LRP4: variants seen among roughly 807,000 people sequenced by gnomAD.
The protein encoded by LRP4 is LDL receptor related protein 4.
In LRP4, 95 loss-of-function variants were observed where a neutral mutation model predicts 220.3. That is an observed-to-expected ratio of 0.43 (90% confidence interval 0.37 to 0.51). The LOEUF is 0.51. Among genes scored for constraint, LRP4 ranks in the 20% least tolerant of loss-of-function variants. The probability of loss-of-function intolerance (pLI) is 0.00; values close to 1 mark genes in which losing one functional copy is unlikely to be tolerated. For synonymous variants in LRP4, 903 were observed against 954.6 expected, an observed-to-expected ratio of 0.95 and a Z score of 1.00; for missense variants, 1,925 against 2,567.0, an observed-to-expected ratio of 0.75 and a Z score of 5.40.
intron 1 of LRP4, among the ~76,000 whole-genome samples, chr11:46,911,907 G>A (rs1941866367): frequency 6.9e-6 from 1 of 145,280 alleles, no homozygotes; most frequent in African/African-American, 2.5e-5. Flanking sequence ...CAGTGGCACA[G>A]TCTTGGCTCG....
intron 13 of LRP4, among the ~76,000 whole-genome samples, chr11:46,891,764 C>T (rs749077377): frequency 1.3e-5 from 2 of 151,536 alleles, no homozygotes; most frequent in Non-Finnish European, 2.9e-5. Flanking sequence ...TACAGGCATG[C>T]ATCAATAAGT....
chr11:46,898,684 A>C lies in LRP4; in HGVS notation c.677-7T>G, dbSNP rs1244833731. On this transcript the variant is annotated splice_polypyrimidine_tract_variant and splice_region_variant and intron_variant, in intron 6 of 37. Transcript: ENST00000378623. ...CGGCAGGGCTGGTGGGAGGCTAGGGAAACACAAGACTTCTGTCTCTAGCCA... is the reference window on the plus strand; with the variant it reads ...CGGCAGGGCTGGTGGGAGGCTAGGGCAACACAAGACTTCTGTCTCTAGCCA... 6.2e-7 allele frequency: 1 copy of C among 1,613,888 alleles called. No individual in the cohort carries two copies. Among genetic ancestry groups the C allele is most frequent in the Non-Finnish European group, 8.5e-7 (1 of 1,180,034 alleles).
Position 46,876,730 on chromosome 11 carries a change from G to A in LRP4, c.3364+14C>T. ...TGCCAGACAGGTGGTCCCTGGGCTA[G>A]GAGGAAGGCCCACCTGTGGTGATGA... On this transcript the variant is annotated intron_variant, in intron 24 of 37. Coordinates refer to ENST00000378623, the MANE Select transcript of LRP4 (RefSeq NM_002334.4). The A allele has an allele frequency of 6.2e-7, 1 of 1,614,080 alleles. No individual in the cohort carries two copies. Among genetic ancestry groups the A allele is most frequent in the Non-Finnish European group, 8.5e-7 (1 of 1,179,916 alleles).
In LRP4 at chr11:46,873,813, G is replaced by A. The variant is rs1410904890; in HGVS notation, c.4230-220C>T. 4.4e-5 allele frequency: 24 copies of A among 543,318 alleles called. No homozygotes were observed. The highest frequency in any genetic ancestry group is 6.2e-5 in the Non-Finnish European group (19 of 308,304). The allele number at this position is 543,318 out of a possible 1,614,324, so 33.7% of individuals were successfully genotyped here. A position where few individuals can be genotyped will look rare whatever the true frequency, so the allele number is the denominator to read the frequency against. On this transcript the variant is annotated intron_variant, in intron 28 of 37. Coordinates refer to ENST00000378623, the MANE Select transcript of LRP4 (RefSeq NM_002334.4). The surrounding 1 kb of genome is among the most constrained non-coding windows in gnomAD (Gnocchi z 4.2). ...TTCTTAGGAGGACACAGTATTTCCT[G>A]CTAACTGGACATAGTGGCGGTTGCC... is the stretch of plus-strand genomic sequence containing the variant.
At chr11:46,868,939 A>T (rs372352282) in intron 32 of LRP4, 49 bp downstream of exon 32, 2 of 1,613,312 alleles carry the variant, frequency 1.2e-6, no homozygotes, top group African/African-American at 2.7e-5. Context: ...GGGTTGACCG[A>T]CCAATCCCAC....
intron 10 of LRP4, 119 bp downstream of exon 10, chr11:46,895,765 T>C: frequency 7.2e-7 from 1 of 1,395,708 alleles, no homozygotes; most frequent in South Asian, 1.2e-5. Context: ...CTCCTAGGGT[T>C]ATTGTGAGGA....
intron 19 of LRP4, among the ~76,000 whole-genome samples, chr11:46,882,378 G>C (rs1592529595): frequency 6.6e-6 from 1 of 151,844 alleles, no homozygotes; most frequent in East Asian, 1.9e-4. Context: ...TTGAGAGGCT[G>C]AGATAGGAGG....
intron 37 of LRP4, chr11:46,860,907 A>G: frequency 3.1e-6 from 3 of 979,534 alleles, no homozygotes; most frequent in South Asian, 9.5e-5. Context: ...CACTCCCTCT[A>G]CAAACACACA....
chr11:46,899,347 C>A lies in LRP4; in HGVS notation c.547+40G>T. On this transcript the variant is annotated intron_variant, in intron 5 of 37. Coordinates refer to ENST00000378623, the MANE Select transcript of LRP4 (RefSeq NM_002334.4). This position sits in a 1 kb window ranked among gnomAD's most constrained non-coding sequence, Gnocchi z 5.9. ...TTAGCCAATGGGCAGAACTGTCTGC[C>A]CTCATCCAACCCAACAGCCTGAGGT... is the stretch of plus-strand genomic sequence containing the variant. 2 of 1,497,404 alleles carry A rather than the reference C, an allele frequency of 1.3e-6. No individual in the cohort carries two copies. Among genetic ancestry groups the A allele is most frequent in the African/African-American group, 1.4e-5 (1 of 72,684 alleles). 92.8% of individuals were successfully genotyped at this position (1,497,404 alleles called of 1,614,324 possible).
intron 7 of LRP4, among the ~76,000 whole-genome samples, chr11:46,898,187 G>GC (rs34450263): frequency 7.2e-5 from 11 of 151,952 alleles, no homozygotes; most frequent in Admixed American, 7.2e-4. Flanking sequence ...AGGCAGAGGC[G>GC]CCCCTCACCT....
At chr11:46,859,342 T>C (rs745348118) in intron 37 of LRP4, 27 bp from the exon 38 acceptor site, 27 of 1,548,302 alleles carry the variant, frequency 1.7e-5, no homozygotes, top group African/African-American at 4.1e-5. Flanking sequence ...GCAGATATGG[T>C]CAGTCAGTTG....
chr11:46,900,078 C>T, intron 3 of LRP4, 102 bp from the exon 4 acceptor site: 1 of 1,046,372 alleles, frequency 9.6e-7, no homozygotes, highest in Non-Finnish European at 1.5e-6. Context: ...CCAGTGCTGC[C>T]CTGAGGGCTC....
intron 34 of LRP4, among the ~76,000 whole-genome samples, chr11:46,867,404 G>A (rs1283105681): frequency 6.6e-6 from 1 of 152,170 alleles, no homozygotes; most frequent in Admixed American, 6.5e-5. Context: ...TACCACGTGG[G>A]AGGGTCCTCC....
At chr11:46,915,732 T>C (rs1048990147) in intron 1 of LRP4, among the ~76,000 whole-genome samples, 2 of 152,108 alleles carry the variant, frequency 1.3e-5, no homozygotes, top group African/African-American at 4.8e-5. Flanking sequence ...TTAGTAGAGA[T>C]GGGGTTTTGC....
rs1376005192 is a variant in LRP4, at chr11:46,862,658, A to C, written c.5333T>G (p.Ile1778Ser). Residue 1778 changes from isoleucine to serine, a missense_variant, in exon 37 of 38, where the codon ATT becomes AGT. Around this residue, in one of 3 missense-constraint regions of LRP4, gnomAD observed 1,244 missense variants for 1,624.9 expected, o/e 0.77. Coordinates refer to ENST00000378623, the MANE Select transcript of LRP4 (RefSeq NM_002334.4). ...CATGGCTGGTTTGGGGATTGCTTCA[A>C]TCTTCACTTCCTGTGTGGATGTTCG... ...SYRTSTQEVK[I>S]EAIPKPAMYN... 1 of 1,614,066 alleles carries C rather than the reference A, an allele frequency of 6.2e-7. No homozygotes were observed. The highest frequency in any genetic ancestry group is 8.5e-7 in the Non-Finnish European group (1 of 1,179,974).
rs1941514609 is a variant in LRP4 at position 46,895,759 on chromosome 11, TAGGGTTATTGTG to T, written c.1183+113_1183+124del. ...AATGGGAAGGATGATCCCCACCTCC[TAGGGTTATTGTG>T]AGGACGAAATGAGGTCACACCGTTC... On this transcript the variant is annotated intron_variant, in intron 10 of 37. Transcript: ENST00000378623. 7 of 1,357,596 alleles carry T rather than the reference TAGGGTTATTGTG, an allele frequency of 5.2e-6. No homozygotes were observed. The South Asian group carries it at 8.2e-5, about 16-fold the overall frequency. 84.1% of individuals were successfully genotyped at this position (1,357,596 alleles called of 1,614,324 possible).
chr11:46,868,770 A>G, intron 32 of LRP4, 57 bp from the exon 33 acceptor site: 1 of 1,397,890 alleles, frequency 7.2e-7, no homozygotes, highest in Admixed American at 1.7e-5. Context: ...TCCCAATTTA[A>G]GGCTTCTCAA....
Position 46,892,569 on chromosome 11 carries a change from CTT to C in LRP4, c.1697+402_1697+403del, listed in dbSNP as rs11292441. 4.3e-3 allele frequency among the ~76,000 whole-genome samples: 528 copies of C among 123,664 alleles called. 1 individual carries two copies. Among genetic ancestry groups the C allele is most frequent in the East Asian group, 0.027 (119 of 4,456 alleles). 81.1% of individuals were successfully genotyped at this position (123,664 alleles called of 152,430 possible). A position where few individuals can be genotyped will look rare whatever the true frequency, so the allele number is the denominator to read the frequency against. Reference sequence around the variant, plus strand: ...CAGAGCCCATGTTATTAACATCATACTTTTTTTTTTTTTTTTTTTCGAGACAG... The same window carrying C: ...CAGAGCCCATGTTATTAACATCATACTTTTTTTTTTTTTTTTTCGAGACAG... On this transcript the variant is annotated intron_variant, in intron 13 of 37. Transcript: ENST00000378623.
intron 1 of LRP4, among the ~76,000 whole-genome samples, chr11:46,916,283 A>C (rs542727155): frequency 3.3e-4 from 50 of 152,086 alleles, no homozygotes; most frequent in Middle Eastern, 3.4e-3. Flanking sequence ...TAGAAAAAAA[A>C]ACAAAAATTT....
Sources: gnomAD v4.1 joint callset for allele counts (sites outside exome capture counted in the v4.1 genomes callset) on GRCh38, gnomAD v4.1.1 for gene constraint, gnomAD v4.1.1 regional missense constraint, Gnocchi (gnomAD v3.1) non-coding constraint, MANE v1.5 for transcripts, NCBI Gene and HGNC (gene_info 2026-07-23, HGNC 2026-07-21) for gene names.